The following CYFIP1 variants were observed in gnomAD, a reference collection of about 807,000 sequenced individuals.
CYFIP1 encodes the protein cytoplasmic FMR1 interacting protein 1.
CYFIP1 carries 58 observed loss-of-function variants against 163.5 expected under a neutral mutation model. The ratio of observed to expected loss-of-function variants is 0.35; its 90% CI spans 0.29 to 0.44. The LOEUF (loss-of-function observed/expected upper bound fraction) is 0.44. CYFIP1 is among the 20% of genes least tolerant of loss of function. The probability of loss-of-function intolerance (pLI) is 1.00; values close to 1 mark genes in which losing one functional copy is unlikely to be tolerated. For synonymous variants in CYFIP1, 663 were observed against 660.7 expected (o/e 1.00, Z -0.05); for missense variants, 1,338 against 1,653.8 (o/e 0.81, Z 3.31).
chr15:22,900,591 C>T (rs546952913), intron 22 of CYFIP1, among the ~76,000 whole-genome samples: 1 of 151,892 alleles, frequency 6.6e-6, no homozygotes, highest in Non-Finnish European at 1.5e-5. Context: ...TTAGTAGAGA[C>T]AGGGTTTCAC....
intron 21 of CYFIP1, 176 bp from the exon 22 acceptor site, chr15:22,904,081 T>C (rs1334003565): frequency 6.3e-6 from 4 of 630,462 alleles, no homozygotes; most frequent in Non-Finnish European, 1.1e-5. Context: ...ACCCCACCTT[T>C]TCAGTCACCC....
chr15:22,877,130 C>CGAGAGGTGATGGATTTCTTACA (rs1187209872), intron 26 of CYFIP1, among the ~76,000 whole-genome samples: 3 of 152,070 alleles, frequency 2.0e-5, no homozygotes, highest in African/African-American at 7.2e-5. Context: ...GAAGGTGGTC[C>CGAGAGGTGATGGATTTCTTACA]GAGAGGTGAT....
In CYFIP1 at chr15:22,868,680, T is replaced by TTACG. The variant is rs2059324072; in HGVS notation, c.*1347_*1348insCGTA. On this transcript the variant is annotated 3_prime_UTR_variant, in exon 31 of 31. Coordinates refer to ENST00000617928, the MANE Select transcript of CYFIP1 (RefSeq NM_014608.6). ...CAGTGTAACAGGATGGTTCGTACACTTACTACTTTTCTGTGCCGTGCATCA... is the reference window on the plus strand; with the variant it reads ...CAGTGTAACAGGATGGTTCGTACACTTACGTACTACTTTTCTGTGCCGTGCATCA... 6.6e-6 allele frequency: 1 copy of TTACG among 152,128 alleles called. No homozygotes were observed. The highest frequency in any genetic ancestry group is 2.4e-5 in the African/African-American group (1 of 41,418). The allele number at this position is 152,128 out of a possible 1,614,324, so 9.4% of individuals were successfully genotyped here.
intron 1 of CYFIP1, among the ~76,000 whole-genome samples, chr15:22,951,160 T>G (rs1461633273): frequency 6.6e-6 from 1 of 152,100 alleles, no homozygotes; most frequent in Non-Finnish European, 1.5e-5. Flanking sequence ...CCACCCATTT[T>G]CTCAGGAACT....
At chr15:22,901,698 A>T (rs1471162537) in intron 22 of CYFIP1, among the ~76,000 whole-genome samples, 2 of 152,242 alleles carry the variant, frequency 1.3e-5, no homozygotes, top group Admixed American at 1.3e-4. Context: ...TAGGCCAGGC[A>T]ACGAGCAAAG....
chr15:22,931,617 G>A (rs1419586952), intron 11 of CYFIP1, among the ~76,000 whole-genome samples: 1 of 129,956 alleles, frequency 7.7e-6, no homozygotes, highest in Non-Finnish European at 1.5e-5. Flanking sequence ...ACTAGACTAG[G>A]AAATGCCACT....
chr15:22,959,044 C>G (rs892964890), intron 1 of CYFIP1, among the ~76,000 whole-genome samples: 3 of 152,148 alleles, frequency 2.0e-5, no homozygotes, highest in Non-Finnish European at 2.9e-5. Context: ...CAGGTGGGGC[C>G]CTCAGGACAA....
chr15:22,976,734 GA>G (rs1297339697), intron 1 of CYFIP1, among the ~76,000 whole-genome samples: 1 of 152,102 alleles, frequency 6.6e-6, no homozygotes, highest in Non-Finnish European at 1.5e-5. Context: ...GATGTATAGG[GA>G]AAAAAACCAC....
chr15:22,964,349 T>TCA (rs1206406734), intron 1 of CYFIP1, among the ~76,000 whole-genome samples: 823 of 39,416 alleles, frequency 0.021, 2 homozygotes, highest in African/African-American at 0.026. Context: ...CGCAACCTCA[T>TCA]CACTCACACA....
intron 27 of CYFIP1, 143 bp downstream of exon 27, chr15:22,875,056 T>C: frequency 1.4e-6 from 1 of 714,260 alleles, no homozygotes; most frequent in Middle Eastern, 3.5e-4. Context: ...CTAGGTTCTG[T>C]ACACTCCTCA....
chr15:22,877,266 C>T (rs367876353), intron 26 of CYFIP1, among the ~76,000 whole-genome samples: 1 of 152,170 alleles, frequency 6.6e-6, no homozygotes, highest in East Asian at 1.9e-4. Context: ...CTTGGCAACA[C>T]CCGCTTCCCC....
At chr15:22,965,197 G>A (rs1039466337) in intron 1 of CYFIP1, among the ~76,000 whole-genome samples, 21 of 152,148 alleles carry the variant, frequency 1.4e-4, no homozygotes, top group African/African-American at 4.1e-4. Context: ...GGTGGCTCAC[G>A]CCTATAGTCC....
At chr15:22,915,128 G>GTA in intron 16 of CYFIP1, 1 of 345,864 alleles carries the variant, frequency 2.9e-6, no homozygotes, top group Non-Finnish European at 4.9e-6. Context: ...GGGGGAAAGT[G>GTA]TCTTTTTTTT....
At chr15:22,897,576 C>T (rs1318513917) in intron 22 of CYFIP1, among the ~76,000 whole-genome samples, 2 of 151,906 alleles carry the variant, frequency 1.3e-5, no homozygotes, top group South Asian at 2.1e-4. Context: ...CTTGACGTCC[C>T]GGGTTCAAGT....
At position 22,928,062 on chromosome 15, in the gene CYFIP1, A is replaced by G. The variant is rs2061414634; in HGVS notation, c.1111-34T>C. On this transcript the variant is annotated intron_variant, in intron 11 of 30. Transcript: ENST00000617928. ...GGCGGGCACGGCCCCGTGAGAAACC[A>G]GCGCCCCCACCCAGCTCCCCCCATC... is the stretch of plus-strand genomic sequence containing the variant. 2.7e-6 allele frequency: 4 copies of G among 1,471,436 alleles called. No homozygotes were observed. The East Asian group carries it at 7.9e-5, about 29-fold the overall frequency. The allele number at this position is 1,471,436 out of a possible 1,614,324, so 91.1% of individuals were successfully genotyped here.
At chr15:22,876,635 C>T (rs188186352) in intron 26 of CYFIP1, among the ~76,000 whole-genome samples, 121 of 152,042 alleles carry the variant, frequency 8.0e-4, no homozygotes, top group African/African-American at 2.8e-3. Context: ...AGTTCAAGAC[C>T]AGCCTGACCA....
intron 6 of CYFIP1, among the ~76,000 whole-genome samples, chr15:22,942,454 C>T (rs1286688381): frequency 6.6e-6 from 1 of 151,974 alleles, no homozygotes; most frequent in Non-Finnish European, 1.5e-5. Context: ...CACCAAACGC[C>T]GGTCGGCAGC....
chr15:22,898,452 A>G, intron 22 of CYFIP1, among the ~76,000 whole-genome samples: 2 of 152,196 alleles, frequency 1.3e-5, no homozygotes, highest in South Asian at 4.2e-4. Flanking sequence ...ATTTTACTAT[A>G]TATTCTCAAT....
At position 22,886,338 on chromosome 15, in the gene CYFIP1, T is replaced by C. The variant is rs534336934; in HGVS notation, c.2677-3327A>G. On this transcript the variant is annotated intron_variant, in intron 23 of 30. Transcript: ENST00000617928. Reference sequence around the variant, plus strand: ...GCTTGTCTAAGGACACGGGTGCAGATAGCAGGAGACCCCTACTGTGAGTAT... The same window carrying C: ...GCTTGTCTAAGGACACGGGTGCAGACAGCAGGAGACCCCTACTGTGAGTAT... Among the ~76,000 whole-genome samples the C allele has an allele frequency of 5.3e-5, 8 of 152,320 alleles. No individual in the cohort carries two copies. The South Asian group carries it at 1.0e-3, about 20-fold the overall frequency.
Sources: gnomAD v4.1 joint callset for allele counts (sites outside exome capture counted in the v4.1 genomes callset) on GRCh38, gnomAD v4.1.1 for gene constraint, MANE v1.5 for transcripts, NCBI Gene and HGNC (gene_info 2026-07-23, HGNC 2026-07-21) for gene names.